PCDHGA4: variants seen among roughly 807,000 people sequenced by gnomAD.
The protein encoded by PCDHGA4 is protocadherin gamma subfamily A, 4, also known as protocadherin gamma-A4.
PCDHGA4 carries 38 observed loss-of-function variants against 54.6 expected under a neutral mutation model. That is an observed-to-expected ratio of 0.70 (90% CI 0.54 to 0.91). PCDHGA4 has a LOEUF of 0.91. Ranked by LOEUF, PCDHGA4 falls within the 40% of genes least tolerant of loss-of-function variation. PCDHGA4 has a pLI of 0.00. For synonymous variants in PCDHGA4, 511 were observed against 512.9 expected (o/e 1.00, Z 0.05); for missense variants, 1,298 against 1,220.9 (o/e 1.06, Z -0.94).
intron 1 of PCDHGA4, chr5:141,389,471 A>C: frequency 6.2e-7 from 1 of 1,613,210 alleles, no homozygotes; most frequent in Non-Finnish European, 8.5e-7. Context: ...TCGAACTCAC[A>C]CTGCAGGCCC....
chr5:141,414,778 C>T (rs1346896593), intron 1 of PCDHGA4: 12 of 1,614,202 alleles, frequency 7.4e-6, no homozygotes, highest in Non-Finnish European at 1.0e-5. Context: ...GCTACAGATG[C>T]AGGTGACAGC....
At chr5:141,441,890 T>C (rs967557692) in intron 1 of PCDHGA4, 18 of 348,170 alleles carry the variant, frequency 5.2e-5, no homozygotes, top group Non-Finnish European at 7.2e-5. Flanking sequence ...GTCACCAAGG[T>C]GGTGGCTGTA....
intron 1 of PCDHGA4, chr5:141,374,689 G>A (rs1337417637): frequency 1.2e-6 from 2 of 1,609,578 alleles, no homozygotes; most frequent in East Asian, 2.2e-5. Context: ...CACTGGACCG[G>A]GAAGGAGAAG....
intron 1 of PCDHGA4, chr5:141,366,256 C>A (rs751677361): frequency 6.2e-7 from 1 of 1,613,584 alleles, no homozygotes; most frequent in African/African-American, 1.3e-5. Flanking sequence ...AGCAGAGCCT[C>A]GTGGTGGCCG....
intron 1 of PCDHGA4, among the ~76,000 whole-genome samples, chr5:141,482,757 T>G: frequency 7.9e-6 from 1 of 127,194 alleles, no homozygotes; most frequent in Admixed American, 7.7e-5. Flanking sequence ...GATTATGGTA[T>G]TTCATTATCA....
chr5:141,501,412 T>C (rs1479005426), intron 2 of PCDHGA4, among the ~76,000 whole-genome samples: 7 of 151,550 alleles, frequency 4.6e-5, no homozygotes, highest in African/African-American at 1.7e-4. Context: ...GCTTGGAAAA[T>C]AGTTGACTAA....
intron 2 of PCDHGA4, among the ~76,000 whole-genome samples, chr5:141,501,761 G>C (rs906778888): frequency 2.6e-5 from 4 of 152,090 alleles, no homozygotes; most frequent in African/African-American, 4.8e-5. Flanking sequence ...CTCAGTAAAT[G>C]GTTAAAAAAG....
chr5:141,408,022 G>A (rs915978239), intron 1 of PCDHGA4: 1 of 1,056,122 alleles, frequency 9.5e-7, no homozygotes, highest in Non-Finnish European at 1.3e-6. Context: ...GCCAACAACA[G>A]AAAGAAGAAA....
intron 1 of PCDHGA4, chr5:141,371,300 CA>C: frequency 6.2e-7 from 1 of 1,613,950 alleles, no homozygotes; most frequent in Non-Finnish European, 8.5e-7. Flanking sequence ...GGGAACTCAC[CA>C]CTATTGGAGA....
intron 1 of PCDHGA4, chr5:141,366,133 C>T (rs777240886): frequency 1.9e-6 from 3 of 1,614,216 alleles, no homozygotes; most frequent in Non-Finnish European, 2.5e-6. Context: ...CAGGCCAGAA[C>T]GCCTGGCTGT....
intron 1 of PCDHGA4, among the ~76,000 whole-genome samples, chr5:141,454,420 T>C (rs889393211): frequency 6.6e-6 from 1 of 152,218 alleles, no homozygotes; most frequent in African/African-American, 2.4e-5. Context: ...TATTTATTTA[T>C]TTAGAGACAG....
chr5:141,424,295 C>T (rs1481053072), intron 1 of PCDHGA4: 1 of 152,526 alleles, frequency 6.6e-6, no homozygotes, highest in East Asian at 1.9e-4. Flanking sequence ...TTTCTTCATC[C>T]TATCAACACA....
In PCDHGA4 at chr5:141,400,151, C is replaced by G. The variant is rs201457414; in HGVS notation, c.2514+42530C>G. ...GTGCTGCCGGATATCACTGACCGCC[C>G]TGTACCCTCTGACCCCCAGGCTGAG... On this transcript the variant is annotated intron_variant, in intron 1 of 3. Transcript: ENST00000571252. 6.4e-5 allele frequency: 104 copies of G among 1,614,086 alleles called. No individual in the cohort carries two copies. The highest frequency in any genetic ancestry group is 4.9e-4 in the Middle Eastern group (3 of 6,062).
rs532675537 is a variant in PCDHGA4, at chr5:141,508,584, T to C, written c.2663-2363T>C. Among the ~76,000 whole-genome samples, 87 of 152,266 alleles carry C rather than the reference T, an allele frequency of 5.7e-4. 1 individual carries two copies. Among genetic ancestry groups the C allele is most frequent in the African/African-American group, 1.6e-3 (66 of 41,552 alleles). On this transcript the variant is annotated intron_variant, in intron 3 of 3. Coordinates refer to ENST00000571252, the MANE Select transcript of PCDHGA4 (RefSeq NM_018917.4). The stretch of plus-strand genomic sequence containing the variant: ...TGTCACTTGCACCCACTCGGGGTGC[T>C]ACTCAGAGATCTTGGGTGCACATAG...
At position 141,409,389 on chromosome 5, in the gene PCDHGA4, C is replaced by G; in HGVS notation, c.2514+51768C>G. On this transcript the variant is annotated intron_variant, in intron 1 of 3. Transcript: ENST00000571252. ...ACAGACATTCCATTCAAGATTTATT[C>G]TTCTTCCAATAACTACTACAAACTG... 6.2e-7 allele frequency: 1 copy of G among 1,614,006 alleles called. No homozygotes were observed. Among genetic ancestry groups the G allele is most frequent in the Admixed American group, 1.7e-5 (1 of 60,020 alleles).
Position 141,450,950 on chromosome 5 carries a change from A to G in PCDHGA4, c.2515-43857A>G, listed in dbSNP as rs1176916120. ...AGCAATTCTCCTACCTCAGCCTCCCAAGTAGCTGGGATTACAGGCATGTGC... is the reference window on the plus strand; with the variant it reads ...AGCAATTCTCCTACCTCAGCCTCCCGAGTAGCTGGGATTACAGGCATGTGC... On this transcript the variant is annotated intron_variant, in intron 1 of 3. Coordinates refer to ENST00000571252, the MANE Select transcript of PCDHGA4 (RefSeq NM_018917.4). Among the ~76,000 whole-genome samples, 9 of 150,714 alleles carry G rather than the reference A, an allele frequency of 6.0e-5. No individual in the cohort carries two copies. In the East Asian group the frequency reaches 1.6e-3, roughly 26 times the overall value.
intron 1 of PCDHGA4, chr5:141,361,291 G>A: frequency 6.2e-7 from 1 of 1,614,040 alleles, no homozygotes; most frequent in Non-Finnish European, 8.5e-7. Flanking sequence ...TTACTGCCAA[G>A]TGTTGGGAAA....
intron 1 of PCDHGA4, among the ~76,000 whole-genome samples, chr5:141,456,808 C>CA (rs1316636483): frequency 6.6e-5 from 10 of 151,878 alleles, no homozygotes; most frequent in Admixed American, 6.6e-4. Flanking sequence ...ACTAAAAATA[C>CA]AAAAAATTAG....
chr5:141,505,883 T>C (rs1225759976), intron 3 of PCDHGA4, among the ~76,000 whole-genome samples: 1 of 152,118 alleles, frequency 6.6e-6, no homozygotes, highest in East Asian at 1.9e-4. Flanking sequence ...GTTGTAGAGA[T>C]TAAATGAGAT....
Sources: gnomAD v4.1 joint callset for allele counts (sites outside exome capture counted in the v4.1 genomes callset) on GRCh38, gnomAD v4.1.1 for gene constraint, MANE v1.5 for transcripts, NCBI Gene and HGNC (gene_info 2026-07-23, HGNC 2026-07-21) for gene names.